Variants in VPS13D observed in about 807,000 individuals in gnomAD.
VPS13D encodes the protein intermembrane lipid transfer protein VPS13D.
In VPS13D, 187 loss-of-function variants were observed where a neutral mutation model predicts 461.9. The ratio of observed to expected loss-of-function variants is 0.40; its 90% CI spans 0.36 to 0.46. The LOEUF (loss-of-function observed/expected upper bound fraction) is 0.46. VPS13D is among the 20% of genes least tolerant of loss of function. The probability of loss-of-function intolerance (pLI) is 0.60; values close to 1 mark genes in which losing one functional copy is unlikely to be tolerated. For synonymous variants in VPS13D, 1,951 were observed against 1,986.3 expected (o/e 0.98, Z 0.47); for missense variants, 4,711 against 5,364.9 (o/e 0.88, Z 3.81).
intron 67 of VPS13D, among the ~76,000 whole-genome samples, chr1:12,482,584 TC>T (rs1302748602): frequency 6.6e-6 from 1 of 152,170 alleles, no homozygotes; most frequent in East Asian, 1.9e-4. Context: ...ATGAATTATC[TC>T]TTTAATCCTT....
At chr1:12,348,168 C>T (rs1643717243) in intron 44 of VPS13D, among the ~76,000 whole-genome samples, 1 of 152,194 alleles carries the variant, frequency 6.6e-6, no homozygotes, top group Non-Finnish European at 1.5e-5. Flanking sequence ...ACAATTCTTT[C>T]TTTTACACTT....
At chr1:12,281,339 A>G (rs775972567) in intron 20 of VPS13D, among the ~76,000 whole-genome samples, 1 of 152,138 alleles carries the variant, frequency 6.6e-6, no homozygotes, top group African/African-American at 2.4e-5. Context: ...TGGGTGATAC[A>G]TTGTGTAGGT....
chr1:12,300,207 C>CTTTTTTTTTTTTT (rs35299447), intron 25 of VPS13D, among the ~76,000 whole-genome samples: 1 of 123,350 alleles, frequency 8.1e-6, no homozygotes. Flanking sequence ...ATTTGCTTTG[C>CTTTTTTTTTTTTT]TTTTTTTTTT....
intron 42 of VPS13D, among the ~76,000 whole-genome samples, chr1:12,344,413 GA>G (rs1032307963): frequency 8.7e-5 from 13 of 149,458 alleles, no homozygotes; most frequent in African/African-American, 1.5e-4. Flanking sequence ...ATTTTATAGG[GA>G]AAAAAAAAAT....
chr1:12,487,648 C>T lies in VPS13D; in HGVS notation c.12663-9852C>T, dbSNP rs184204366. ...AAAGCAAACAAATCACAAAGCAGGT[C>T]CCCTCTGGGGGCTGGAGCATCCTCA... is the stretch of plus-strand genomic sequence containing the variant. On this transcript the variant is annotated intron_variant, in intron 67 of 69. Transcript: ENST00000620676. Among the ~76,000 whole-genome samples, 8 of 151,296 alleles carry T rather than the reference C, an allele frequency of 5.3e-5. No homozygotes were observed. The East Asian group carries it at 1.6e-3, about 29-fold the overall frequency.
At chr1:12,341,583 TAGTC>T (rs1643568588) in intron 40 of VPS13D, among the ~76,000 whole-genome samples, 193 bp from the exon 41 acceptor site, 1 of 152,164 alleles carries the variant, frequency 6.6e-6, no homozygotes, top group African/African-American at 2.4e-5. Flanking sequence ...GGGCTGGGAA[TAGTC>T]AGGCAGGGAC....
chr1:12,271,003 A>G lies in VPS13D; in HGVS notation c.1982A>G (p.Tyr661Cys). The change falls in exon 17 of 70, where the codon TAT (tyrosine) becomes TGT (cysteine). Residue 661 changes from tyrosine to cysteine, a missense_variant. Tyr to Cys is a radical substitution (Grantham distance 194). Around this residue, in one of 3 missense-constraint regions of VPS13D, gnomAD observed 4,411 missense variants for 4,937.8 expected, o/e 0.89. Transcript: ENST00000620676. Reference sequence around the variant, plus strand: ...ATTTCCAACCTTGCAGGTTTTGGTTATCAGTCTGAACTTGAGCTGAGAGTG... The same window carrying G: ...ATTTCCAACCTTGCAGGTTTTGGTTGTCAGTCTGAACTTGAGCTGAGAGTG... ...KGKVHTSGFG[Y>C]QSELELRVAE... 1.2e-6 allele frequency: 2 copies of G among 1,613,586 alleles called. No homozygotes were observed. The highest frequency in any genetic ancestry group is 1.7e-6 in the Non-Finnish European group (2 of 1,179,724).
At chr1:12,394,057 C>T (rs1470049171) in intron 60 of VPS13D, among the ~76,000 whole-genome samples, 1 of 152,144 alleles carries the variant, frequency 6.6e-6, no homozygotes, top group African/African-American at 2.4e-5. Flanking sequence ...GCACAGTTAC[C>T]CTGGTAAAAG....
In VPS13D at chr1:12,329,989, C is replaced by T. The variant is rs373154571; in HGVS notation, c.8287+71C>T. 470 of 905,238 alleles carry T rather than the reference C, an allele frequency of 5.2e-4. 8 individuals carry two copies. In the South Asian group the frequency reaches 6.1e-3, roughly 12 times the overall value. The allele number at this position is 905,238 out of a possible 1,614,324, so 56.1% of individuals were successfully genotyped here. On this transcript the variant is annotated intron_variant, in intron 37 of 69. Transcript: ENST00000620676. The stretch of plus-strand genomic sequence containing the variant: ...AAATGTTTGCCTGGACCTATTGCTA[C>T]GTAAATTTTACATGAAGGAAAGGGC...
At chr1:12,262,768 A>G (rs1053857782) in intron 13 of VPS13D, among the ~76,000 whole-genome samples, 8 of 150,234 alleles carry the variant, frequency 5.3e-5, no homozygotes, top group Non-Finnish European at 1.0e-4. Context: ...CAGTGGCATG[A>G]TCTTGGCTCA....
Position 12,258,118 on chromosome 1 carries a change from G to A in VPS13D, c.1110+15G>A, listed in dbSNP as rs373513786. 18 of 1,612,880 alleles carry A rather than the reference G, an allele frequency of 1.1e-5. No individual in the cohort carries two copies. In the African/African-American group the frequency reaches 1.3e-4, roughly 12 times the overall value. On this transcript the variant is annotated intron_variant, in intron 10 of 69. Transcript: ENST00000620676. Reference sequence around the variant, plus strand: ...CAGATGACAAGGTAAGTGGACTGTGGTCTTGTGTTTCTTGTCTTATTCAGA... The same window carrying A: ...CAGATGACAAGGTAAGTGGACTGTGATCTTGTGTTTCTTGTCTTATTCAGA...
In VPS13D at chr1:12,276,459, G is replaced by A. The variant is rs183276517; in HGVS notation, c.2871G>A (p.Ala957=). The change falls in exon 19 of 70, where the codon GCG becomes GCA. Residue 957 remains alanine, a synonymous_variant. Transcript: ENST00000620676. This position sits in a 1 kb window ranked among gnomAD's most constrained non-coding sequence, Gnocchi z 4.5. Reference sequence around the variant, plus strand: ...TGGTGGAGTCGCAGCTCCTCCTGGCGGAATTTAAAGTGAACTGTATGCAGC... The same window carrying A: ...TGGTGGAGTCGCAGCTCCTCCTGGCAGAATTTAAAGTGAACTGTATGCAGC... ...EVLVESQLLL[A]EFKVNCMQLG... 32 of 1,614,132 alleles carry A rather than the reference G, an allele frequency of 2.0e-5. 1 individual carries two copies. The highest frequency in any genetic ancestry group is 5.5e-5 in the South Asian group (5 of 91,064).
chr1:12,377,951 A>G (rs1644223332), intron 55 of VPS13D, among the ~76,000 whole-genome samples: 1 of 152,158 alleles, frequency 6.6e-6, no homozygotes, highest in Admixed American at 6.5e-5. Context: ...TTTCCTTATA[A>G]ACATTCGGGA....
chr1:12,465,588 G>T (rs1227705550), intron 67 of VPS13D, among the ~76,000 whole-genome samples: 1 of 152,128 alleles, frequency 6.6e-6, no homozygotes, highest in Admixed American at 6.5e-5. Context: ...GTTTTTGGTT[G>T]ATTTCACAGA....
chr1:12,377,962 C>T (rs1053069084), intron 55 of VPS13D, among the ~76,000 whole-genome samples: 31 of 151,834 alleles, frequency 2.0e-4, no homozygotes, highest in Admixed American at 1.4e-3. Context: ...ACATTCGGGA[C>T]GGGGAGGAAG....
chr1:12,303,022 C>T (rs1456397158), intron 25 of VPS13D, among the ~76,000 whole-genome samples: 2 of 151,962 alleles, frequency 1.3e-5, no homozygotes, highest in Non-Finnish European at 2.9e-5. Flanking sequence ...GTTCACCTCC[C>T]CATGCATACA....
chr1:12,396,246 G>A (rs879870098), intron 60 of VPS13D, among the ~76,000 whole-genome samples: 179 of 151,600 alleles, frequency 1.2e-3, no homozygotes, highest in Non-Finnish European at 7.8e-4. Flanking sequence ...TAGGGCCGTT[G>A]GTTTTCAAGG....
intron 10 of VPS13D, among the ~76,000 whole-genome samples, chr1:12,258,780 G>T (rs1641004773): frequency 6.6e-6 from 1 of 152,190 alleles, no homozygotes; most frequent in African/African-American, 2.4e-5. Context: ...CTCAGGTACT[G>T]CCCCTTAACT....
chr1:12,378,539 G>A lies in VPS13D; in HGVS notation c.11029G>A (p.Glu3677Lys), dbSNP rs370876913. ...PNKPSAARST[E>K]GSAILDIAGL... is the part of the protein sequence containing the mutation. ...TAAGCCCTCAGCCGCCCGCTCCACCGAGGGGTCTGCCATCTTAGATATTGC... is the reference window on the plus strand; with the variant it reads ...TAAGCCCTCAGCCGCCCGCTCCACCAAGGGGTCTGCCATCTTAGATATTGC... Residue 3677 changes from glutamate (E) to lysine (K), a missense_variant, in exon 56 of 70, where the codon GAG becomes AAG. Around this residue, in one of 3 missense-constraint regions of VPS13D, gnomAD observed 4,411 missense variants for 4,937.8 expected, o/e 0.89. Transcript: ENST00000620676. The A allele has an allele frequency of 2.2e-5, 35 of 1,610,908 alleles. No individual in the cohort carries two copies. The highest frequency in any genetic ancestry group is 3.0e-5 in the Non-Finnish European group (35 of 1,178,620).
Sources: gnomAD v4.1 joint callset for allele counts (sites outside exome capture counted in the v4.1 genomes callset) on GRCh38, gnomAD v4.1.1 for gene constraint, gnomAD v4.1.1 regional missense constraint, Gnocchi (gnomAD v3.1) non-coding constraint, MANE v1.5 for transcripts, NCBI Gene and HGNC (gene_info 2026-07-23, HGNC 2026-07-21) for gene names.